Variants in DZIP1 observed in about 807,000 individuals in gnomAD.
DZIP1 encodes the protein cilium assembly protein DZIP1.
A neutral mutation model predicts 107.6 loss-of-function variants in DZIP1; 97 were observed. The observed-to-expected ratio is 0.90, with a 90% CI of 0.77 to 1.07. DZIP1 has a LOEUF of 1.07. Among genes scored for constraint, DZIP1 ranks in the 50% least tolerant of loss-of-function variants. DZIP1 has a pLI of 0.00. For missense variants in DZIP1, 1,035 were observed against 1,063.6 expected, an observed-to-expected ratio of 0.97 and a Z score of 0.37; for synonymous variants, 390 against 386.4, an observed-to-expected ratio of 1.01 and a Z score of -0.11.
intron 5 of DZIP1, among the ~76,000 whole-genome samples, chr13:95,638,085 CTTTT>C (rs57203833): frequency 1.1e-5 from 1 of 88,640 alleles, no homozygotes; most frequent in African/African-American, 3.7e-5. Flanking sequence ...TGAGTTCAAT[CTTTT>C]TTTTTTTTTT....
At chr13:95,610,055 AGTGTGTGTGTGTGTGTGTGTGTGTGT>A (rs58398816) in intron 12 of DZIP1, among the ~76,000 whole-genome samples, 32 of 109,336 alleles carry the variant, frequency 2.9e-4, no homozygotes, top group South Asian at 6.7e-4. Context: ...TGACTGGTTT[AGTGTGTGTGTGTGTGTGTGTGTGTGT>A]GTGTGTGTGT....
At chr13:95,602,252 C>T (rs2044639052) in intron 14 of DZIP1, among the ~76,000 whole-genome samples, 1 of 152,186 alleles carries the variant, frequency 6.6e-6, no homozygotes, top group African/African-American at 2.4e-5. Context: ...TTCCTGCCAC[C>T]TTTTCCTTCT....
chr13:95,610,120 G>GAGACAGAGAGAGAGAGAC (rs2044946516), intron 12 of DZIP1, among the ~76,000 whole-genome samples: 1 of 125,682 alleles, frequency 8.0e-6, no homozygotes, highest in Non-Finnish European at 1.7e-5. Flanking sequence ...GTGAGAGAGA[G>GAGACAGAGAGAGAGAGAC]ACAGAGAGAG....
intron 15 of DZIP1, among the ~76,000 whole-genome samples, chr13:95,598,673 G>GA (rs984477425): frequency 3.6e-4 from 54 of 152,038 alleles, no homozygotes; most frequent in African/African-American, 1.1e-3. Context: ...TTATTAATAG[G>GA]AAAAAATTAT....
Position 95,589,804 on chromosome 13 carries a change from T to G in DZIP1, c.1972A>C (p.Lys658Gln). ...AVSTDRTSVP[K>Q]IKKNVMEDPF... is the part of the protein sequence containing the mutation. ...AAATCTGAGGGCTGAAATACTCACT[T>G]TGGAACAGATGTCCTATCAGTAGAA... The change falls in exon 18 of 23, where the codon AAA (lysine) becomes CAA (glutamine). Residue 658 changes from lysine (K) to glutamine (Q), a missense_variant and splice_region_variant. Coordinates refer to ENST00000376829, the MANE Select transcript of DZIP1 (RefSeq NM_198968.4). 6.2e-7 allele frequency: 1 copy of G among 1,613,228 alleles called. No individual in the cohort carries two copies. Among genetic ancestry groups the G allele is most frequent in the Non-Finnish European group, 8.5e-7 (1 of 1,179,624 alleles).
At chr13:95,615,446 A>G (rs1874931699) in intron 10 of DZIP1, among the ~76,000 whole-genome samples, 1 of 152,214 alleles carries the variant, frequency 6.6e-6, no homozygotes, top group Non-Finnish European at 1.5e-5. Flanking sequence ...AGTGGTTCAA[A>G]CCATAGATCC....
intron 14 of DZIP1, among the ~76,000 whole-genome samples, chr13:95,599,985 G>T (rs1049270115): frequency 3.3e-5 from 5 of 152,196 alleles, no homozygotes; most frequent in African/African-American, 1.2e-4. Flanking sequence ...TAGTTCTGGG[G>T]CTGGAGAATG....
At chr13:95,602,800 C>G (rs914852326) in intron 14 of DZIP1, among the ~76,000 whole-genome samples, 1 of 152,206 alleles carries the variant, frequency 6.6e-6, no homozygotes, top group Non-Finnish European at 1.5e-5. Context: ...CTGAGACTTC[C>G]TTTCAACAGT....
chr13:95,579,747 T>A lies in DZIP1; in HGVS notation c.*2487A>T, dbSNP rs1174996561. On this transcript the variant is annotated 3_prime_UTR_variant, in exon 23 of 23. Coordinates refer to ENST00000376829, the MANE Select transcript of DZIP1 (RefSeq NM_198968.4). ...GTTAAAAGATAAAAAATAAAAAAAA[T>A]TCCATACCTTGATAATCCTTGAAAT... 3 of 152,294 alleles carry A rather than the reference T, an allele frequency of 2.0e-5. No individual in the cohort carries two copies. The highest frequency in any genetic ancestry group is 2.1e-4 in the South Asian group (1 of 4,828). 9.4% of individuals were successfully genotyped at this position (152,294 alleles called of 1,614,324 possible).
rs1366510324 is a variant in DZIP1, at chr13:95,589,934, T to A, written c.1844-2A>T. 6.2e-7 allele frequency: 1 copy of A among 1,612,134 alleles called. No individual in the cohort carries two copies. The highest frequency in any genetic ancestry group is 8.5e-7 in the Non-Finnish European group (1 of 1,179,438). Reference sequence around the variant, plus strand: ...CCATTTGAGAAACACTGCACTGATCTGGAATATAGTGTCATTCATGAGTCT... The same window carrying A: ...CCATTTGAGAAACACTGCACTGATCAGGAATATAGTGTCATTCATGAGTCT... On this transcript the variant is annotated splice_acceptor_variant, in intron 17 of 22. Coordinates refer to ENST00000376829, the MANE Select transcript of DZIP1 (RefSeq NM_198968.4). LOFTEE classifies it high-confidence loss of function.
chr13:95,605,963 C>A, intron 14 of DZIP1, 40 bp downstream of exon 14: 1 of 1,598,700 alleles, frequency 6.3e-7, no homozygotes, highest in South Asian at 1.1e-5. Context: ...CTCAGGGTGG[C>A]AACTGCACAT....
Position 95,629,975 on chromosome 13 carries a change from A to T in DZIP1, c.810+14T>A, listed in dbSNP as rs45564232. 1.3e-3 allele frequency: 2,123 copies of T among 1,585,284 alleles called. 3 individuals carry two copies. Among genetic ancestry groups the T allele is most frequent in the Non-Finnish European group, 1.6e-3 (1,829 of 1,168,746 alleles). On this transcript the variant is annotated intron_variant, in intron 7 of 22. Coordinates refer to ENST00000376829, the MANE Select transcript of DZIP1 (RefSeq NM_198968.4). ...TTAATTGTAATTAAAATACCACAGA[A>T]TTCTGCCTGGTACCTTGGAGAATCT...
rs774414204 is a variant in DZIP1, at chr13:95,624,819, C to A, written c.921G>T (p.Met307Ile). The A allele has an allele frequency of 1.9e-5, 30 of 1,610,488 alleles. No homozygotes were observed. The highest frequency in any genetic ancestry group is 2.5e-5 in the Non-Finnish European group (29 of 1,177,556). The change falls in exon 8 of 23, where the codon ATG (methionine) becomes ATT (isoleucine). Residue 307 changes from methionine (M) to isoleucine (I), a missense_variant. Transcript: ENST00000376829. Reference protein sequence around the residue: ...LVDEMEKVKEMFMKEFKELTS... With the variant: ...LVDEMEKVKEIFMKEFKELTS... ...TTAATTCTTTAAATTCCTTCATAAACATCTCCTTGACTTTTTCCATTTCAT... is the reference window on the plus strand; with the variant it reads ...TTAATTCTTTAAATTCCTTCATAAAAATCTCCTTGACTTTTTCCATTTCAT...
chr13:95,627,281 T>G (rs1876655619), intron 7 of DZIP1, among the ~76,000 whole-genome samples: 1 of 152,198 alleles, frequency 6.6e-6, no homozygotes, highest in Non-Finnish European at 1.5e-5. Context: ...CTTGAAAAAT[T>G]GGCACTGGGA....
chr13:95,591,966 A>G (rs2044322290), intron 16 of DZIP1, among the ~76,000 whole-genome samples: 1 of 152,230 alleles, frequency 6.6e-6, no homozygotes, highest in Non-Finnish European at 1.5e-5. Flanking sequence ...AGCTACTACA[A>G]TTAAATTAGT....
chr13:95,622,200 T>G lies in DZIP1; in HGVS notation c.1110+143A>C. The stretch of plus-strand genomic sequence containing the variant: ...ACAAACACCTCTTATGATTTAGGCA[T>G]GCTGTAGGAGAAAAATAACAGCTAG... On this transcript the variant is annotated intron_variant, in intron 9 of 22. Transcript: ENST00000376829. 3.0e-6 allele frequency: 3 copies of G among 994,710 alleles called. No homozygotes were observed. In the East Asian group the frequency reaches 7.7e-5, roughly 25 times the overall value. 61.6% of individuals were successfully genotyped at this position (994,710 alleles called of 1,614,324 possible).
chr13:95,617,206 C>CAAAAAAAAA (rs112542338), intron 10 of DZIP1, among the ~76,000 whole-genome samples: 1 of 146,630 alleles, frequency 6.8e-6, no homozygotes. Context: ...TGTCTCACCC[C>CAAAAAAAAA]AAAAAAAAAA....
At chr13:95,591,028 T>TC (rs2044298198) in intron 16 of DZIP1, among the ~76,000 whole-genome samples, 1 of 150,380 alleles carries the variant, frequency 6.6e-6, no homozygotes, top group Non-Finnish European at 1.5e-5. Context: ...ACTTCTTTTT[T>TC]TTTTTTTTTT....
In DZIP1 at chr13:95,610,111, T is replaced by TGTGAGAGAGA. The variant is rs368276400; in HGVS notation, c.1364-599_1364-598insTCTCTCTCAC. On this transcript the variant is annotated intron_variant, in intron 12 of 22. Coordinates refer to ENST00000376829, the MANE Select transcript of DZIP1 (RefSeq NM_198968.4). ...GTGTGTGTGTGTGTGTGTGTGTGTG[T>TGTGAGAGAGA]GAGAGAGAGACAGAGAGAGAGAGAC... is the stretch of plus-strand genomic sequence containing the variant. Among the ~76,000 whole-genome samples, 86 of 126,746 alleles carry TGTGAGAGAGA rather than the reference T, an allele frequency of 6.8e-4. 1 individual carries two copies. Among genetic ancestry groups the TGTGAGAGAGA allele is most frequent in the East Asian group, 1.3e-3 (6 of 4,472 alleles). 83.2% of individuals were successfully genotyped at this position (126,746 alleles called of 152,430 possible). A position where few individuals can be genotyped will look rare whatever the true frequency, so the allele number is the denominator to read the frequency against.
Sources: allele counts gnomAD v4.1 joint callset (sites outside exome capture counted in the v4.1 genomes callset), GRCh38; gene constraint gnomAD v4.1.1; transcripts MANE v1.5; gene names NCBI Gene and HGNC (gene_info 2026-07-23, HGNC 2026-07-21).